TENT2: variants seen among roughly 807,000 people sequenced by gnomAD.
TENT2 encodes poly(A) RNA polymerase GLD2.
TENT2 carries 44 observed loss-of-function variants against 72.2 expected under a neutral mutation model. The ratio of observed to expected loss-of-function variants is 0.61; its 90% CI spans 0.48 to 0.78. The LOEUF (loss-of-function observed/expected upper bound fraction) is 0.78. Among genes scored for constraint, TENT2 ranks in the 30% least tolerant of loss-of-function variants. The pLI is 0.00. For synonymous variants in TENT2, 212 were observed against 192.5 expected (o/e 1.10, Z -0.84); for missense variants, 541 against 569.6 (o/e 0.95, Z 0.51).
intron 7 of TENT2, among the ~76,000 whole-genome samples, chr5:79,643,186 AG>A (rs1785795444): frequency 6.6e-6 from 1 of 152,144 alleles, no homozygotes; most frequent in Admixed American, 6.6e-5. Context: ...AAAAGTTTAT[AG>A]GTTGTTAGGG....
intron 11 of TENT2, among the ~76,000 whole-genome samples, chr5:79,663,032 CT>C (rs1370508774): frequency 2.6e-5 from 4 of 152,198 alleles, no homozygotes; most frequent in Non-Finnish European, 5.9e-5. Flanking sequence ...AGCTTCTTCA[CT>C]TGCTGTTCAC....
intron 4 of TENT2, among the ~76,000 whole-genome samples, chr5:79,634,110 G>A (rs945713860): frequency 9.5e-5 from 14 of 147,434 alleles, no homozygotes; most frequent in Non-Finnish European, 1.8e-4. Context: ...GAGCCGAATC[G>A]TGCCACTGCA....
At chr5:79,678,964 G>A (rs1302464968) in intron 12 of TENT2, among the ~76,000 whole-genome samples, 2 of 152,032 alleles carry the variant, frequency 1.3e-5, no homozygotes, top group African/African-American at 4.8e-5. Context: ...GGAGTGCAGT[G>A]GCATGACCTC....
chr5:79,623,541 A>G (rs1219374434), intron 4 of TENT2, 52 bp downstream of exon 4: 25 of 1,273,318 alleles, frequency 2.0e-5, no homozygotes, highest in Non-Finnish European at 2.7e-5. Flanking sequence ...AGTATAAATA[A>G]TGTATTAATC....
chr5:79,626,509 G>A (rs374838230), intron 4 of TENT2, among the ~76,000 whole-genome samples: 3 of 151,366 alleles, frequency 2.0e-5, no homozygotes, highest in East Asian at 2.0e-4. Flanking sequence ...GGGTTTCACT[G>A]TGTTAGCCAG....
intron 10 of TENT2, 115 bp from the exon 11 acceptor site, chr5:79,656,843 G>A (rs1373578984): frequency 1.6e-6 from 1 of 612,748 alleles, no homozygotes; most frequent in African/African-American, 1.9e-5. Context: ...TTTGAAAATT[G>A]TTGAATTTTA....
At chr5:79,683,789 G>A (rs1205665158) in intron 14 of TENT2, among the ~76,000 whole-genome samples, 3 of 149,648 alleles carry the variant, frequency 2.0e-5, no homozygotes, top group Admixed American at 6.6e-5. Flanking sequence ...GTGTAGTGGC[G>A]GGCGCCTGTA....
intron 4 of TENT2, among the ~76,000 whole-genome samples, chr5:79,624,721 G>A (rs1767981475): frequency 6.6e-6 from 1 of 152,102 alleles, no homozygotes; most frequent in Admixed American, 6.6e-5. Flanking sequence ...CCACGTTGTA[G>A]CATACACATC....
chr5:79,659,553 A>ATATAT (rs1311221056), intron 11 of TENT2, among the ~76,000 whole-genome samples: 7 of 26,854 alleles, frequency 2.6e-4, no homozygotes, highest in African/African-American at 1.5e-3. Context: ...AAAAAAAAAA[A>ATATAT]ATGTATATAT....
chr5:79,675,705 G>A (rs1322107759), intron 12 of TENT2, among the ~76,000 whole-genome samples: 1 of 152,158 alleles, frequency 6.6e-6, no homozygotes, highest in Non-Finnish European at 1.5e-5. Context: ...GTATGTGAAA[G>A]GGAGTGATTT....
rs1791519386 is a variant in TENT2, at chr5:79,649,148, A to G, written c.985A>G (p.Ser329Gly). 6.2e-7 allele frequency: 1 copy of G among 1,613,466 alleles called. No individual in the cohort carries two copies. The highest frequency in any genetic ancestry group is 1.7e-5 in the Admixed American group (1 of 59,876). The change falls in exon 10 of 15, where the codon AGC becomes GGC. Residue 329 changes from serine (S) to glycine (G), a missense_variant. By Grantham distance (56) the Ser-to-Gly change is moderately conservative. Transcript: ENST00000453514. ...AAATGATGCCAGTCGTGGTACTTTA[A>G]GCAGCTATAGTCTTGTATTGATGGT... Reference protein sequence around the residue: ...QINDASRGTLSSYSLVLMVLH... With the variant: ...QINDASRGTLGSYSLVLMVLH...
intron 11 of TENT2, among the ~76,000 whole-genome samples, chr5:79,664,580 G>A (rs1259854170): frequency 2.8e-5 from 4 of 140,784 alleles, no homozygotes; most frequent in Non-Finnish European, 6.0e-5. Flanking sequence ...GGGTGACAGA[G>A]TCTCACTCTG....
At chr5:79,629,307 A>C (rs1773111976) in intron 4 of TENT2, among the ~76,000 whole-genome samples, 1 of 152,202 alleles carries the variant, frequency 6.6e-6, no homozygotes, top group Non-Finnish European at 1.5e-5. Flanking sequence ...AACTGTATTG[A>C]CAGTATATGT....
At chr5:79,647,082 C>G (rs1457784248) in intron 8 of TENT2, among the ~76,000 whole-genome samples, 2 of 152,098 alleles carry the variant, frequency 1.3e-5, no homozygotes, top group Non-Finnish European at 2.9e-5. Flanking sequence ...TCCTGCTTCC[C>G]AACAGAACCA....
chr5:79,678,613 T>TCC (rs1389317483), intron 12 of TENT2, among the ~76,000 whole-genome samples: 1 of 152,198 alleles, frequency 6.6e-6, no homozygotes, highest in East Asian at 1.9e-4. Context: ...ATGAGATTGT[T>TCC]TTACTTGAAT....
chr5:79,655,556 AT>A (rs1276715932), intron 10 of TENT2, among the ~76,000 whole-genome samples: 5 of 152,092 alleles, frequency 3.3e-5, no homozygotes, highest in Non-Finnish European at 5.9e-5. Flanking sequence ...TGACTTCTGT[AT>A]TATAACCAAA....
intron 4 of TENT2, among the ~76,000 whole-genome samples, chr5:79,627,390 C>T (rs1324676965): frequency 6.6e-6 from 1 of 152,110 alleles, no homozygotes; most frequent in Non-Finnish European, 1.5e-5. Flanking sequence ...GTATCGATAA[C>T]ATTTTAAAAT....
At chr5:79,643,437 A>C (rs1786032271) in intron 7 of TENT2, among the ~76,000 whole-genome samples, 1 of 152,192 alleles carries the variant, frequency 6.6e-6, no homozygotes, top group Non-Finnish European at 1.5e-5. Flanking sequence ...ACTGACTCTA[A>C]ACATATTTTA....
chr5:79,674,153 G>A (rs777705766), intron 12 of TENT2, among the ~76,000 whole-genome samples: 18 of 152,176 alleles, frequency 1.2e-4, no homozygotes, highest in Non-Finnish European at 2.5e-4. Flanking sequence ...GGAGGTCGAG[G>A]CAGGCAGATC....
Sources: allele counts gnomAD v4.1 joint callset (sites outside exome capture counted in the v4.1 genomes callset), GRCh38; gene constraint gnomAD v4.1.1; transcripts MANE v1.5; gene names NCBI Gene and HGNC (gene_info 2026-07-23, HGNC 2026-07-21).